FRMD4A: variants seen among roughly 807,000 people sequenced by gnomAD.
FRMD4A encodes FERM domain containing 4A.
FRMD4A carries 29 observed loss-of-function variants against 129.1 expected under a neutral mutation model. The ratio of observed to expected loss-of-function variants is 0.22; its 90% CI spans 0.17 to 0.31. The LOEUF (loss-of-function observed/expected upper bound fraction) is 0.31, where lower values mean the gene tolerates loss of function less well. FRMD4A is among the 10% of genes least tolerant of loss of function. The probability of loss-of-function intolerance (pLI) is 1.00; values close to 1 mark genes in which losing one functional copy is unlikely to be tolerated. For missense variants in FRMD4A, 1,272 were observed against 1,375.8 expected (o/e 0.92, Z 1.19); for synonymous variants, 634 against 571.6 (o/e 1.11, Z -1.56).
At chr10:14,183,692 T>C (rs987402019) in intron 2 of FRMD4A, among the ~76,000 whole-genome samples, 5 of 152,190 alleles carry the variant, frequency 3.3e-5, no homozygotes, top group East Asian at 1.9e-4. Flanking sequence ...ATTTTGCAAA[T>C]TGAATCTTAA....
At chr10:14,322,281 C>G (rs1218435) in intron 2 of FRMD4A, among the ~76,000 whole-genome samples, 76,275 of 151,702 alleles carry the variant, frequency 0.5, 19,525 homozygotes, top group Non-Finnish European at 0.57. Context: ...AGGTAGATGA[C>G]AGAAAGCAAG....
intron 2 of FRMD4A, among the ~76,000 whole-genome samples, chr10:14,143,462 T>C (rs984100484): frequency 8.5e-5 from 13 of 152,210 alleles, no homozygotes; most frequent in Non-Finnish European, 1.6e-4. Flanking sequence ...TGAATGGTGG[T>C]TGGGGAGATG....
intron 6 of FRMD4A, among the ~76,000 whole-genome samples, chr10:13,774,462 C>T (rs937006453): frequency 6.6e-6 from 1 of 152,154 alleles, no homozygotes; most frequent in Non-Finnish European, 1.5e-5. Flanking sequence ...TGAAGTGGAC[C>T]GGAAGTGCAG....
In FRMD4A at chr10:14,330,843, T is replaced by C. The variant is rs1843490069; in HGVS notation, c.-328A>G. ...CAGCTCCCGGTAGGGCTAACATACT[T>C]AAGAGGAACATGGAATTGCACTGCC... On this transcript the variant is annotated 5_prime_UTR_variant, in exon 1 of 25. It removes the in-frame stop codon of an upstream open reading frame in the 5' UTR. Transcript: ENST00000357447. 2.5e-6 allele frequency: 1 copy of C among 398,682 alleles called. No individual in the cohort carries two copies. Among genetic ancestry groups the C allele is most frequent in the African/African-American group, 2.1e-5 (1 of 48,700 alleles). 24.7% of individuals were successfully genotyped at this position (398,682 alleles called of 1,614,324 possible).
chr10:13,842,797 C>G (rs2130981398), intron 3 of FRMD4A, among the ~76,000 whole-genome samples: 1 of 152,230 alleles, frequency 6.6e-6, no homozygotes, highest in Admixed American at 6.5e-5. Flanking sequence ...CCACTGCACT[C>G]TAGCCTGGGT....
Position 13,660,415 on chromosome 10 carries a change from T to G in FRMD4A, c.1799A>C (p.Asp600Ala). The G allele has an allele frequency of 6.2e-7, 1 of 1,614,102 alleles. No individual in the cohort carries two copies. The highest frequency in any genetic ancestry group is 8.5e-7 in the Non-Finnish European group (1 of 1,179,944). ...GLRQMHYHRNDYDKSPIKPKM... is the reference protein window; with the variant it reads ...GLRQMHYHRNAYDKSPIKPKM... The stretch of plus-strand genomic sequence containing the variant: ...GGGCTTGATGGGTGACTTGTCATAG[T>G]CGTTGCGGTGATAGTGCATCTGTCG... Residue 600 changes from aspartate to alanine, a missense_variant, in exon 20 of 25, where the codon GAC (aspartate) becomes GCC (alanine). By Grantham distance (126) the Asp-to-Ala change is moderately radical (BLOSUM62 -2). Around this residue, in one of 2 missense-constraint regions of FRMD4A, gnomAD observed 972 missense variants for 892.3 expected, o/e 1.09. Coordinates refer to ENST00000357447, the MANE Select transcript of FRMD4A (RefSeq NM_018027.5).
At chr10:14,290,360 G>C (rs1043680537) in intron 2 of FRMD4A, among the ~76,000 whole-genome samples, 1 of 152,116 alleles carries the variant, frequency 6.6e-6, no homozygotes, top group African/African-American at 2.4e-5. Context: ...AAACAGTATG[G>C]TGCTGGCATA....
chr10:13,675,768 T>C (rs1286000253), intron 15 of FRMD4A: 1 of 152,144 alleles, frequency 6.6e-6, no homozygotes, highest in Non-Finnish European at 1.5e-5. Context: ...AGTGCAAAGA[T>C]AATGTGTGTT....
chr10:13,918,081 C>G (rs2131249147), intron 2 of FRMD4A, among the ~76,000 whole-genome samples: 1 of 152,348 alleles, frequency 6.6e-6, no homozygotes, highest in African/African-American at 2.4e-5. Context: ...AAACTGCTTT[C>G]TCTTCCCCAG....
At chr10:13,675,553 C>T (rs2083908512) in intron 15 of FRMD4A, 1 of 153,206 alleles carries the variant, frequency 6.5e-6, no homozygotes. Context: ...AGGCATCCGC[C>T]ACCACACCCG....
At chr10:13,889,366 T>A (rs1333064720) in intron 2 of FRMD4A, among the ~76,000 whole-genome samples, 1 of 152,128 alleles carries the variant, frequency 6.6e-6, no homozygotes, top group Non-Finnish European at 1.5e-5. Flanking sequence ...AAGCAAGGAG[T>A]CACTGGATGT....
chr10:13,688,005 C>T (rs995106613), intron 15 of FRMD4A, among the ~76,000 whole-genome samples: 5 of 152,098 alleles, frequency 3.3e-5, no homozygotes, highest in Admixed American at 6.6e-5. Flanking sequence ...ATCACTACTA[C>T]GGGATTCAGG....
At chr10:14,032,953 G>C (rs565443837) in intron 2 of FRMD4A, among the ~76,000 whole-genome samples, 60 of 152,322 alleles carry the variant, frequency 3.9e-4, no homozygotes, top group African/African-American at 1.3e-3. Flanking sequence ...GGCTGCAGTA[G>C]TCACCAGGTA....
chr10:14,314,593 G>A (rs542924705), intron 2 of FRMD4A, among the ~76,000 whole-genome samples: 1 of 152,284 alleles, frequency 6.6e-6, no homozygotes, highest in African/African-American at 2.4e-5. Flanking sequence ...ACAGGTGCAA[G>A]GGATACGATG....
At chr10:13,832,667 G>T (rs541996239) in intron 3 of FRMD4A, among the ~76,000 whole-genome samples, 1 of 152,178 alleles carries the variant, frequency 6.6e-6, no homozygotes, top group Non-Finnish European at 1.5e-5. Context: ...TAGGAAGCTG[G>T]GAATGGCCTA....
chr10:14,261,525 C>G (rs1218333), intron 2 of FRMD4A, among the ~76,000 whole-genome samples: 89,009 of 151,972 alleles, frequency 0.59, 27,705 homozygotes, highest in African/African-American at 0.81. Context: ...TGAAACAGCT[C>G]TCAGAGAAGC....
intron 2 of FRMD4A, among the ~76,000 whole-genome samples, chr10:14,268,833 C>G (rs2132043490): frequency 6.6e-6 from 1 of 152,338 alleles, no homozygotes; most frequent in South Asian, 2.1e-4. Context: ...GGGAGCTAGG[C>G]TAATTTTTCC....
chr10:13,899,222 C>CA (rs1312944607), intron 2 of FRMD4A, among the ~76,000 whole-genome samples: 1 of 152,030 alleles, frequency 6.6e-6, no homozygotes, highest in Non-Finnish European at 1.5e-5. Flanking sequence ...ACTAGGGGTT[C>CA]AACACATATT....
intron 2 of FRMD4A, among the ~76,000 whole-genome samples, chr10:14,315,722 T>C (rs938891271): frequency 1.3e-5 from 2 of 152,240 alleles, no homozygotes; most frequent in African/African-American, 4.8e-5. Flanking sequence ...TCAAAAGGTA[T>C]CATGCAACCA....
Sources: allele counts gnomAD v4.1 joint callset (sites outside exome capture counted in the v4.1 genomes callset), GRCh38; gene constraint gnomAD v4.1.1; regional missense constraint gnomAD v4.1.1; transcripts MANE v1.5; gene names NCBI Gene and HGNC (gene_info 2026-07-23, HGNC 2026-07-21).